The following DAB1 variants were observed in gnomAD, a reference collection of about 807,000 sequenced individuals.
DAB1 encodes the protein DAB adaptor protein 1.
A neutral mutation model predicts 64.6 loss-of-function variants in DAB1; 15 were observed. The ratio of observed to expected loss-of-function variants is 0.23; its 90% confidence interval spans 0.16 to 0.36. DAB1 has a LOEUF of 0.36. Ranked by LOEUF, DAB1 falls within the 10% of genes least tolerant of loss-of-function variation. The pLI is 1.00. For missense variants in DAB1, 596 were observed against 706.7 expected, an observed-to-expected ratio of 0.84 and a Z score of 1.78; for synonymous variants, 235 against 251.9, an observed-to-expected ratio of 0.93 and a Z score of 0.64.
At position 58,376,669 on chromosome 1, in the gene DAB1, G is replaced by A. The variant is rs1250346573; in HGVS notation, n.258-33266C>T. Among the ~76,000 whole-genome samples the A allele has an allele frequency of 9.2e-5, 13 of 141,448 alleles. 2 individuals carry two copies. Among genetic ancestry groups the A allele is most frequent in the Non-Finnish European group, 1.9e-4 (12 of 63,830 alleles). 92.8% of individuals were successfully genotyped at this position (141,448 alleles called of 152,430 possible). ...ATGTATATTCTGTTGATTTGGGGTG[G>A]AGAGTTCTGTAGATGTCTATTAGGT... On this transcript the variant is annotated intron_variant and non_coding_transcript_variant, in intron 3 of 20. Coordinates refer to the DAB1 transcript ENST00000485760.
intron 1 of DAB1, among the ~76,000 whole-genome samples, chr1:57,354,027 A>G (rs1678848668): frequency 6.6e-6 from 1 of 152,082 alleles, no homozygotes. Flanking sequence ...AAACCTGTCA[A>G]CTTTGTGCCA....
intron 4 of DAB1, among the ~76,000 whole-genome samples, chr1:58,286,555 CAT>C (rs1298859347): frequency 1.3e-5 from 2 of 152,194 alleles, no homozygotes; most frequent in African/African-American, 4.8e-5. Flanking sequence ...AGCCAACAAA[CAT>C]ATTTTAAAAA....
chr1:57,767,520 G>T (rs1649367319), intron 6 of DAB1, among the ~76,000 whole-genome samples: 1 of 152,112 alleles, frequency 6.6e-6, no homozygotes, highest in South Asian at 2.1e-4. Context: ...TCTCTACAGT[G>T]GTTATCATGA....
At chr1:57,159,856 C>CAAAAAAAAAAAAAAAAA (rs398049302) in intron 2 of DAB1, among the ~76,000 whole-genome samples, 23 of 86,330 alleles carry the variant, frequency 2.7e-4, no homozygotes, top group Non-Finnish European at 3.8e-4. Flanking sequence ...AGCAGCAAGA[C>CAAAAAAAAAAAAAAAAA]AAAAAAAAAA....
At chr1:58,150,129 T>C (rs950390175) in intron 5 of DAB1, among the ~76,000 whole-genome samples, 1 of 152,124 alleles carries the variant, frequency 6.6e-6, no homozygotes, top group Admixed American at 6.5e-5. Flanking sequence ...ATTGTACAGA[T>C]AAAGGAAGAA....
chr1:58,498,280 C>G (rs1057367683), intron 3 of DAB1, among the ~76,000 whole-genome samples: 7 of 151,632 alleles, frequency 4.6e-5, no homozygotes, highest in African/African-American at 1.7e-4. Context: ...CTTCCATTCT[C>G]CTCTACCATT....
At chr1:57,116,800 G>A (rs1656178728) in intron 4 of DAB1, among the ~76,000 whole-genome samples, 1 of 152,176 alleles carries the variant, frequency 6.6e-6, no homozygotes, top group Non-Finnish European at 1.5e-5. Flanking sequence ...GAAATATACA[G>A]CAGGAGAAAT....
chr1:58,272,466 A>G (rs1661328879), intron 4 of DAB1, among the ~76,000 whole-genome samples: 1 of 103,522 alleles, frequency 9.7e-6, no homozygotes, highest in Non-Finnish European at 2.0e-5. Context: ...ATTTTGGAAT[A>G]GGTGTGGTGT....
intron 6 of DAB1, among the ~76,000 whole-genome samples, chr1:57,770,024 A>AC (rs1649489479): frequency 6.6e-6 from 1 of 152,146 alleles, no homozygotes; most frequent in African/African-American, 2.4e-5. Flanking sequence ...TAAGGGCAGC[A>AC]TTGGATTATG....
intron 2 of DAB1, among the ~76,000 whole-genome samples, chr1:57,212,553 G>A (rs139944054): frequency 1.8e-3 from 274 of 151,676 alleles, no homozygotes; most frequent in African/African-American, 6.5e-3. Flanking sequence ...ATTTTTAGTA[G>A]AGATGGGGTT....
At chr1:58,028,971 T>C (rs978501106) in intron 5 of DAB1, among the ~76,000 whole-genome samples, 4 of 152,200 alleles carry the variant, frequency 2.6e-5, no homozygotes, top group Admixed American at 6.5e-5. Flanking sequence ...AGAAGTGGTA[T>C]GAACGGCTAC....
At chr1:57,863,288 G>C (rs1654150785) in intron 1 of DAB1, 5 of 151,628 alleles carry the variant, frequency 3.3e-5, no homozygotes, top group Admixed American at 2.6e-4. Flanking sequence ...GATGTGTAAG[G>C]GGGGTTAGAT....
chr1:58,073,926 C>T (rs562832093), intron 5 of DAB1, among the ~76,000 whole-genome samples: 2 of 152,276 alleles, frequency 1.3e-5, no homozygotes, highest in Admixed American at 1.3e-4. Flanking sequence ...TGGGGACATC[C>T]TCAGCTATCT....
chr1:58,228,543 G>C, intron 4 of DAB1: 3 of 403,316 alleles, frequency 7.4e-6, no homozygotes, highest in South Asian at 6.3e-5. Flanking sequence ...GTCCATTATC[G>C]TGTGTGGATA....
At chr1:57,725,760 T>G (rs1215163249) in intron 6 of DAB1, among the ~76,000 whole-genome samples, 1 of 145,390 alleles carries the variant, frequency 6.9e-6, no homozygotes, top group Admixed American at 6.7e-5. Flanking sequence ...TTTCTTTTCT[T>G]TTTTTTTTTG....
chr1:57,930,640 T>A (rs183393824), intron 5 of DAB1, among the ~76,000 whole-genome samples: 2 of 152,318 alleles, frequency 1.3e-5, no homozygotes, highest in South Asian at 4.1e-4. Flanking sequence ...CTAATTGATA[T>A]TGTGTTTTTA....
intron 7 of DAB1, among the ~76,000 whole-genome samples, chr1:57,603,920 C>T (rs1645604603): frequency 6.6e-6 from 1 of 152,212 alleles, no homozygotes; most frequent in Admixed American, 6.5e-5. Flanking sequence ...CAGTATTAAA[C>T]CCGACCGTTA....
intron 2 of DAB1, among the ~76,000 whole-genome samples, chr1:58,521,974 G>A (rs999916724): frequency 3.3e-5 from 5 of 152,096 alleles, no homozygotes; most frequent in African/African-American, 4.8e-5. Context: ...AATTCTAGGC[G>A]ACTATCTCCT....
intron 6 of DAB1, among the ~76,000 whole-genome samples, chr1:57,769,658 G>T (rs535711615): frequency 6.6e-6 from 1 of 152,286 alleles, no homozygotes; most frequent in Admixed American, 6.5e-5. Context: ...TCCTGTTGGT[G>T]AGTGCCTGAG....
Sources: gnomAD v4.1 joint callset for allele counts (sites outside exome capture counted in the v4.1 genomes callset) on GRCh38, gnomAD v4.1.1 for gene constraint, MANE v1.5 for transcripts, NCBI Gene and HGNC (gene_info 2026-07-23, HGNC 2026-07-21) for gene names.